SPACDR: variants seen among roughly 807,000 people sequenced by gnomAD.
The protein encoded by SPACDR is sperm acrosome developmental regulator.
At chr7:100,457,857 A>ATATATT in the SPACDR span, among the ~76,000 whole-genome samples, 1 of 88,328 alleles carries the variant, frequency 1.1e-5, no homozygotes, top group East Asian at 4.2e-4. Flanking sequence ...ATATATATAT[A>ATATATT]TTTTTTTTTT....
the SPACDR span, chr7:100,456,880 C>T: frequency 4.5e-4 from 724 of 1,613,606 alleles, no homozygotes; most frequent in Admixed American, 7.0e-4. Flanking sequence ...TGTTTCCGAA[C>T]GGCCCACAGC....
the SPACDR span, chr7:100,456,832 G>C: frequency 6.2e-7 from 1 of 1,613,144 alleles, no homozygotes; most frequent in South Asian, 1.1e-5. Flanking sequence ...ACGTGGTGCC[G>C]TCTGTGCCTC....
the SPACDR span, among the ~76,000 whole-genome samples, chr7:100,460,358 G>A: frequency 6.6e-6 from 1 of 152,006 alleles, no homozygotes. Flanking sequence ...GGGAGTCTGA[G>A]GTGGGAGGAT....
At chr7:100,458,643 A>T in the SPACDR span, among the ~76,000 whole-genome samples, 1 of 152,206 alleles carries the variant, frequency 6.6e-6, no homozygotes, top group Non-Finnish European at 1.5e-5. Flanking sequence ...AATTTCCTTG[A>T]GGCCGGGCCC....
the SPACDR span, among the ~76,000 whole-genome samples, chr7:100,461,585 T>G: frequency 2.0e-5 from 3 of 151,844 alleles, no homozygotes; most frequent in South Asian, 6.3e-4. Flanking sequence ...GCCACACATT[T>G]GCCATTCTTA....
the SPACDR span, among the ~76,000 whole-genome samples, chr7:100,457,962 C>T: frequency 2.7e-5 from 4 of 150,394 alleles, no homozygotes; most frequent in South Asian, 6.3e-4. Flanking sequence ...AGATTACAGG[C>T]GTGAGTCGCC....
the SPACDR span, among the ~76,000 whole-genome samples, chr7:100,458,501 T>A: frequency 2.0e-5 from 3 of 152,154 alleles, no homozygotes; most frequent in African/African-American, 7.2e-5. Context: ...CCTATCTCTG[T>A]GGCCCCTGGA....
the SPACDR span, chr7:100,463,407 T>C: frequency 6.2e-7 from 1 of 1,611,808 alleles, no homozygotes; most frequent in South Asian, 1.1e-5. Flanking sequence ...GCAGAGACCA[T>C]GAGCGTGGAG....
the SPACDR span, among the ~76,000 whole-genome samples, chr7:100,458,135 T>C: frequency 1.3e-5 from 2 of 151,442 alleles, no homozygotes; most frequent in African/African-American, 4.9e-5. Flanking sequence ...AGTCAGGATA[T>C]TGACATTGAT....
the SPACDR span, chr7:100,463,431 C>A: frequency 1.9e-6 from 3 of 1,613,454 alleles, no homozygotes; most frequent in Non-Finnish European, 2.5e-6. Flanking sequence ...GACTTGACGG[C>A]CGTCCTCGGC....
the SPACDR span, chr7:100,456,881 G>A: frequency 5.6e-6 from 9 of 1,613,542 alleles, no homozygotes; most frequent in East Asian, 8.9e-5. Context: ...GTTTCCGAAC[G>A]GCCCACAGCA....
At chr7:100,458,200 G>C in the SPACDR span, among the ~76,000 whole-genome samples, 1 of 56,568 alleles carries the variant, frequency 1.8e-5, no homozygotes, top group Admixed American at 2.3e-4. Context: ...TCACTGGTGT[G>C]TGTGTGTGTG....
chr7:100,458,152 T>G, the SPACDR span, among the ~76,000 whole-genome samples: 1 of 151,004 alleles, frequency 6.6e-6, no homozygotes, highest in Admixed American at 6.7e-5. Flanking sequence ...TGATCCAATC[T>G]ACTGATCTTA....
the SPACDR span, among the ~76,000 whole-genome samples, chr7:100,457,803 A>ATGTGTGTG: frequency 0.047 from 3,373 of 72,496 alleles, 105 homozygotes; most frequent in Middle Eastern, 0.053. Flanking sequence ...ATATATATAT[A>ATGTGTGTG]TGTGTGTGTG....
At chr7:100,457,717 T>C in the SPACDR span, among the ~76,000 whole-genome samples, 1 of 147,454 alleles carries the variant, frequency 6.8e-6, no homozygotes, top group Admixed American at 6.9e-5. Flanking sequence ...ACCTCCCAAG[T>C]TCAAGTGATG....
chr7:100,457,661 C>G, the SPACDR span, among the ~76,000 whole-genome samples: 1 of 139,820 alleles, frequency 7.2e-6, no homozygotes, highest in South Asian at 2.3e-4. Flanking sequence ...CACTCTGTCA[C>G]CCAGGCTGGA....
chr7:100,456,898 A>T, the SPACDR span: 2 of 1,613,702 alleles, frequency 1.2e-6, no homozygotes, highest in Non-Finnish European at 1.7e-6. Context: ...AGCACCAGGT[A>T]CACCTCCCAC....
At chr7:100,462,762 C>A in the SPACDR span, among the ~76,000 whole-genome samples, 1 of 150,454 alleles carries the variant, frequency 6.6e-6, no homozygotes, top group East Asian at 2.0e-4. Context: ...ATCCTCCTGC[C>A]TCAGCCTCCC....
chr7:100,457,270 T>C, the SPACDR span, among the ~76,000 whole-genome samples: 1 of 151,534 alleles, frequency 6.6e-6, no homozygotes, highest in East Asian at 1.9e-4. Flanking sequence ...CCCAAAGTGT[T>C]GGGGATTACA....
Sources: gnomAD v4.1 joint callset for allele counts (sites outside exome capture counted in the v4.1 genomes callset) on GRCh38, gnomAD v4.1.1 for gene constraint, MANE v1.5 for transcripts, NCBI Gene and HGNC (gene_info 2026-07-23, HGNC 2026-07-21) for gene names.